Variants in EMILIN1 observed in about 807,000 individuals in gnomAD.
EMILIN1 encodes the protein elastin microfibril interfacer 1.
A neutral mutation model predicts 82.4 loss-of-function variants in EMILIN1; 49 were observed. The observed-to-expected ratio is 0.59, with a 90% CI of 0.47 to 0.75. The LOEUF (loss-of-function observed/expected upper bound fraction) is 0.75, where lower values mean the gene tolerates loss of function less well. EMILIN1 is among the 30% of genes least tolerant of loss of function. EMILIN1 has a pLI of 0.00. For synonymous variants in EMILIN1, 604 were observed against 602.2 expected (o/e 1.00, Z -0.04); for missense variants, 1,313 against 1,366.4 (o/e 0.96, Z 0.62).
rs762850615 is a variant in EMILIN1, at chr2:27,080,167, G to A, written c.187G>A (p.Val63Met). Residue 63 changes from valine (V) to methionine (M), a missense_variant, in exon 2 of 8, where the codon GTG (valine) becomes ATG (methionine). Val to Met is a conservative substitution (Grantham distance 21). Transcript: ENST00000380320. ...TACCTACAGGAACTGGTGTGCCTAC[G>A]TGGTGACCCGGACAGTGAGCTGTGT... Reference protein sequence around the residue: ...ASRHRNWCAYVVTRTVSCVLE... With the variant: ...ASRHRNWCAYMVTRTVSCVLE... The A allele has an allele frequency of 4.6e-5, 74 of 1,613,940 alleles. 1 individual carries two copies. The highest frequency in any genetic ancestry group is 6.7e-5 in the Admixed American group (4 of 60,002).
intron 7 of EMILIN1, 76 bp downstream of exon 7, chr2:27,085,373 T>G: frequency 6.5e-7 from 1 of 1,544,040 alleles, no homozygotes; most frequent in Non-Finnish European, 8.9e-7. Flanking sequence ...CATTCTTGCC[T>G]TTTCCGACAG....
At position 27,085,225 on chromosome 2, in the gene EMILIN1, C is replaced by T. The variant is rs1372081664; in HGVS notation, c.2641C>T (p.Arg881Trp). Residue 881 changes from arginine (R) to tryptophan (W), a missense_variant, in exon 7 of 8, where the codon CGG becomes TGG. By Grantham distance (101) the Arg-to-Trp change is moderately radical. Coordinates refer to ENST00000380320, the MANE Select transcript of EMILIN1 (RefSeq NM_007046.4). Reference sequence around the variant, plus strand: ...ATTTTCAGCTGCTCTGAGTTTGCCCCGGTCTGAACCAGGCACGGTCCCCTT... The same window carrying T: ...ATTTTCAGCTGCTCTGAGTTTGCCCTGGTCTGAACCAGGCACGGTCCCCTT... ...VAFSAALSLP[R>W]SEPGTVPFDR... 2.5e-6 allele frequency: 4 copies of T among 1,614,028 alleles called. No individual in the cohort carries two copies. Among genetic ancestry groups the T allele is most frequent in the East Asian group, 2.2e-5 (1 of 44,896 alleles).
chr2:27,083,335 C>A lies in EMILIN1; in HGVS notation c.1764C>A (p.Val588=), dbSNP rs751767343. Residue 588 remains valine, a synonymous_variant, in exon 4 of 8, where the codon GTC becomes GTA. Transcript: ENST00000380320. ...GDEGCGACGG[V]QEELGRLRDG... The stretch of plus-strand genomic sequence containing the variant: ...AGGGCTGTGGGGCCTGTGGCGGAGT[C>A]CAAGAGGAACTAGGCCGCCTTCGGG... 1.2e-6 allele frequency: 2 copies of A among 1,613,350 alleles called. No homozygotes were observed. Among genetic ancestry groups the A allele is most frequent in the Non-Finnish European group, 1.7e-6 (2 of 1,179,910 alleles).
chr2:27,079,578 A>G (rs1374206645), intron 1 of EMILIN1, among the ~76,000 whole-genome samples: 2 of 152,204 alleles, frequency 1.3e-5, no homozygotes, highest in Non-Finnish European at 2.9e-5. Flanking sequence ...GACCCCATCC[A>G]GTAATCCATA....
chr2:27,078,718 G>A lies in EMILIN1; in HGVS notation c.-348G>A, dbSNP rs573977122. On this transcript the variant is annotated 5_prime_UTR_variant, in exon 1 of 8. Transcript: ENST00000380320. Reference sequence around the variant, plus strand: ...AGACCAGAAGAGGGCCAGCTGGGACGAGGGGGCGGACGCCCAGGAGGCAAC... The same window carrying A: ...AGACCAGAAGAGGGCCAGCTGGGACAAGGGGGCGGACGCCCAGGAGGCAAC... The A allele has an allele frequency of 2.2e-4, 54 of 245,856 alleles. No homozygotes were observed. Among genetic ancestry groups the A allele is most frequent in the African/African-American group, 1.0e-3 (46 of 44,752 alleles). 15.2% of individuals were successfully genotyped at this position (245,856 alleles called of 1,614,324 possible).
chr2:27,086,238 G>C lies in EMILIN1; in HGVS notation c.*223G>C, dbSNP rs1669635531. On this transcript the variant is annotated 3_prime_UTR_variant, in exon 8 of 8. Transcript: ENST00000380320. ...CTTTTGGCCTGGCGCGATCCCCCAA[G>C]AACCCCTCCAGGGCCGGCCTGCGGA... is the stretch of plus-strand genomic sequence containing the variant. 2.7e-6 allele frequency: 1 copy of C among 376,146 alleles called. No individual in the cohort carries two copies. Among genetic ancestry groups the C allele is most frequent in the East Asian group, 3.9e-5 (1 of 25,630 alleles). The allele number at this position is 376,146 out of a possible 1,614,324, so 23.3% of individuals were successfully genotyped here.
chr2:27,078,980 G>C lies in EMILIN1; in HGVS notation c.-86G>C, dbSNP rs13431637. 7.9e-5 allele frequency: 87 copies of C among 1,106,494 alleles called. No individual in the cohort carries two copies. The African/African-American group carries it at 1.3e-3, about 16-fold the overall frequency. 68.5% of individuals were successfully genotyped at this position (1,106,494 alleles called of 1,614,324 possible). The stretch of plus-strand genomic sequence containing the variant: ...GGACGGGCCGGGCTCGGGCTGTCCT[G>C]TGGAGCAGCAGCATCCCCGGGGCCG... On this transcript the variant is annotated 5_prime_UTR_variant, in exon 1 of 8. Transcript: ENST00000380320.
Position 27,082,099 on chromosome 2 carries a change from G to A in EMILIN1, c.528G>A (p.Glu176=), listed in dbSNP as rs540682368. The change falls in exon 4 of 8, where the codon GAG becomes GAA. Residue 176 remains glutamate, a synonymous_variant. Coordinates refer to ENST00000380320, the MANE Select transcript of EMILIN1 (RefSeq NM_007046.4). The part of the protein sequence containing the change: ...GLGGEGPGES[E]KVQQLEEQVQ... ...TCTCCTCAGGTCCTGGGGAGTCAGAGAAGGTGCAGCAGCTGGAGGAACAGG... is the reference window on the plus strand; with the variant it reads ...TCTCCTCAGGTCCTGGGGAGTCAGAAAAGGTGCAGCAGCTGGAGGAACAGG... 78 of 1,612,556 alleles carry A rather than the reference G, an allele frequency of 4.8e-5. 1 individual carries two copies. In the South Asian group the frequency reaches 7.6e-4, roughly 16 times the overall value.
rs541774725 is a variant in EMILIN1 at position 27,082,168 on chromosome 2, G to T, written c.597G>T (p.Leu199=). 1 of 1,613,652 alleles carries T rather than the reference G, an allele frequency of 6.2e-7. No homozygotes were observed. ...TKELQGLRGV[L]QGLSGRLAED... ...AGCTGCAAGGCCTGCGGGGCGTCCT[G>T]CAAGGACTGAGCGGGCGCCTGGCAG... Residue 199 remains leucine (L), a synonymous_variant, in exon 4 of 8, where the codon CTG becomes CTT. Coordinates refer to ENST00000380320, the MANE Select transcript of EMILIN1 (RefSeq NM_007046.4).
Position 27,085,213 on chromosome 2 carries a change from C to G in EMILIN1, c.2629C>G (p.Leu877Val), listed in dbSNP as rs199612370. The change falls in exon 7 of 8, where the codon CTG becomes GTG. Residue 877 changes from leucine to valine, a missense_variant. Physicochemically the swap from Leu to Val is conservative, Grantham distance 32. Transcript: ENST00000380320. ...PVPQVAFSAA[L>V]SLPRSEPGTV... ...GCCCCAAGTGGCATTTTCAGCTGCT[C>G]TGAGTTTGCCCCGGTCTGAACCAGG... is the stretch of plus-strand genomic sequence containing the variant. 6.2e-7 allele frequency: 1 copy of G among 1,614,186 alleles called. No homozygotes were observed. Among genetic ancestry groups the G allele is most frequent in the Non-Finnish European group, 8.5e-7 (1 of 1,180,044 alleles).
rs1219914726 is a variant in EMILIN1, at chr2:27,082,386, G to C, written c.815G>C (p.Gly272Ala). 9 of 1,609,806 alleles carry C rather than the reference G, an allele frequency of 5.6e-6. No homozygotes were observed. Among genetic ancestry groups the C allele is most frequent in the Non-Finnish European group, 7.6e-6 (9 of 1,179,224 alleles). ...NNHHGGSSSS[G>A]GSRAPAPASA... The stretch of plus-strand genomic sequence containing the variant: ...CATCATGGCGGCAGCAGCAGCAGTG[G>C]GGGCAGCAGGGCCCCAGCCCCAGCC... The change falls in exon 4 of 8, where the codon GGG (glycine) becomes GCG (alanine). Residue 272 changes from glycine (G) to alanine (A), a missense_variant. Physicochemically the swap from Gly to Ala is moderately conservative, Grantham distance 60. Coordinates refer to ENST00000380320, the MANE Select transcript of EMILIN1 (RefSeq NM_007046.4).
At chr2:27,079,483 C>T (rs539429487) in intron 1 of EMILIN1, among the ~76,000 whole-genome samples, 6 of 152,246 alleles carry the variant, frequency 3.9e-5, no homozygotes, top group East Asian at 3.9e-4. Context: ...CTGAGGGGAG[C>T]GGGCCAGGCC....
intron 2 of EMILIN1, 92 bp from the exon 3 acceptor site, chr2:27,080,640 T>G: frequency 9.3e-7 from 1 of 1,080,308 alleles, no homozygotes; most frequent in Non-Finnish European, 1.3e-6. Context: ...GGACAGGCCA[T>G]GCCCACCAGC....
chr2:27,079,184 G>A lies in EMILIN1; in HGVS notation c.119G>A (p.Ser40Asn). Residue 40 changes from serine (S) to asparagine (N), a missense_variant, in exon 1 of 8, where the codon AGC becomes AAC. Transcript: ENST00000380320. Reference protein sequence around the residue: ...SLYTGSSGALSPGGPQAQIAP... With the variant: ...SLYTGSSGALNPGGPQAQIAP... ...TACACAGGTTCCAGTGGGGCCCTCA[G>A]CCCCGGGGGGCCCCAGGCCCAGATT... is the stretch of plus-strand genomic sequence containing the variant. The A allele has an allele frequency of 6.3e-7, 1 of 1,581,552 alleles. No individual in the cohort carries two copies. The highest frequency in any genetic ancestry group is 1.4e-5 in the African/African-American group (1 of 71,980).
chr2:27,085,388 A>T, intron 7 of EMILIN1, 91 bp downstream of exon 7: 1 of 1,496,906 alleles, frequency 6.7e-7, no homozygotes. Flanking sequence ...CGACAGTGTG[A>T]ATCTTCATTC....
Position 27,083,236 on chromosome 2 carries a change from G to A in EMILIN1, c.1665G>A (p.Glu555=). The change falls in exon 4 of 8, where the codon GAG becomes GAA. Residue 555 remains glutamate, a synonymous_variant. Transcript: ENST00000380320. ...RVDAQDETAA[E]FTLRLNLTAA... ...ATGCCCAGGATGAGACAGCTGCAGA[G>A]TTCACACTACGGCTGAATCTCACTG... 1 of 1,612,198 alleles carries A rather than the reference G, an allele frequency of 6.2e-7. No individual in the cohort carries two copies. The highest frequency in any genetic ancestry group is 8.5e-7 in the Non-Finnish European group (1 of 1,178,994).
chr2:27,083,316 G>A lies in EMILIN1; in HGVS notation c.1745G>A (p.Cys582Tyr), dbSNP rs775054889. Residue 582 changes from cysteine to tyrosine, a missense_variant, in exon 4 of 8, where the codon TGT (cysteine) becomes TAT (tyrosine). Coordinates refer to ENST00000380320, the MANE Select transcript of EMILIN1 (RefSeq NM_007046.4). ...GLLQAHGDEG[C>Y]GACGGVQEEL... is the part of the protein sequence containing the mutation. ...CTGCAGGCCCATGGGGATGAGGGCT[G>A]TGGGGCCTGTGGCGGAGTCCAAGAG... 2 of 1,613,350 alleles carry A rather than the reference G, an allele frequency of 1.2e-6. No individual in the cohort carries two copies. The highest frequency in any genetic ancestry group is 1.7e-5 in the Admixed American group (1 of 60,028).
chr2:27,083,753 G>C lies in EMILIN1; in HGVS notation c.2182G>C (p.Gly728Arg). Residue 728 changes from glycine (G) to arginine (R), a missense_variant, in exon 4 of 8, where the codon GGC becomes CGC. Coordinates refer to ENST00000380320, the MANE Select transcript of EMILIN1 (RefSeq NM_007046.4). Reference protein sequence around the residue: ...GQCPSLEGRLGRLEGVCERLD... With the variant: ...GQCPSLEGRLRRLEGVCERLD... Reference sequence around the variant, plus strand: ...GTGCCCCAGCTTAGAGGGGCGATTGGGCCGTCTTGAGGGTGTCTGTGAACG... The same window carrying C: ...GTGCCCCAGCTTAGAGGGGCGATTGCGCCGTCTTGAGGGTGTCTGTGAACG... 6.2e-7 allele frequency: 1 copy of C among 1,613,354 alleles called. No homozygotes were observed.
Position 27,080,273 on chromosome 2 carries a change from G to A in EMILIN1, c.290+3G>A. Reference sequence around the variant, plus strand: ...CCCCAGTGTCCCCAAAGCATCATGTGAGTCCCAGGGCCGGGCAACGGGCCC... The same window carrying A: ...CCCCAGTGTCCCCAAAGCATCATGTAAGTCCCAGGGCCGGGCAACGGGCCC... On this transcript the variant is annotated splice_donor_region_variant and intron_variant, in intron 2 of 7. Coordinates refer to ENST00000380320, the MANE Select transcript of EMILIN1 (RefSeq NM_007046.4). 3 of 1,613,746 alleles carry A rather than the reference G, an allele frequency of 1.9e-6. No homozygotes were observed. Among genetic ancestry groups the A allele is most frequent in the Non-Finnish European group, 2.5e-6 (3 of 1,179,694 alleles).
Sources: allele counts gnomAD v4.1 joint callset (sites outside exome capture counted in the v4.1 genomes callset), GRCh38; gene constraint gnomAD v4.1.1; transcripts MANE v1.5; gene names NCBI Gene and HGNC (gene_info 2026-07-23, HGNC 2026-07-21).